Variants in DTD1 observed in about 807,000 individuals in gnomAD.
DTD1 encodes D-tyrosyl-tRNA deacylase 1 homolog.
Under a neutral mutation model 25.6 loss-of-function variants are expected in DTD1, and 13 were observed. That is an observed-to-expected ratio of 0.51 (90% CI 0.33 to 0.81). The LOEUF is 0.81. Among genes scored for constraint, DTD1 ranks in the 30% least tolerant of loss-of-function variants. The probability of loss-of-function intolerance (pLI) is 0.02; values close to 1 mark genes in which losing one functional copy is unlikely to be tolerated. For missense variants in DTD1, 193 were observed against 266.4 expected (o/e 0.72, Z 1.92); for synonymous variants, 110 against 103.6 (o/e 1.06, Z -0.37).
At chr20:18,626,434 C>T (rs1019114487) in intron 3 of DTD1, among the ~76,000 whole-genome samples, 1 of 152,170 alleles carries the variant, frequency 6.6e-6, no homozygotes, top group Non-Finnish European at 1.5e-5. Context: ...TGAGAGCTTT[C>T]CTGCTTTAAA....
At chr20:18,743,686 A>AG (rs2061287759) in intron 4 of DTD1, among the ~76,000 whole-genome samples, 7 of 148,544 alleles carry the variant, frequency 4.7e-5, no homozygotes, top group African/African-American at 1.7e-4. Flanking sequence ...AAAAAAAAAA[A>AG]AAAAAAAGAA....
At chr20:18,640,396 A>G (rs2060823878) in intron 4 of DTD1, among the ~76,000 whole-genome samples, 2 of 152,222 alleles carry the variant, frequency 1.3e-5, no homozygotes, top group South Asian at 4.2e-4. Flanking sequence ...TTTTGACAAT[A>G]ACTCTCATTC....
At chr20:18,745,474 C>T (rs572460233) in intron 5 of DTD1, among the ~76,000 whole-genome samples, 2 of 152,208 alleles carry the variant, frequency 1.3e-5, no homozygotes, top group South Asian at 4.1e-4. Flanking sequence ...CAGCACGGTG[C>T]GTGTGGCAGG....
chr20:18,598,083 G>A (rs1041521524), intron 3 of DTD1, among the ~76,000 whole-genome samples: 6 of 152,118 alleles, frequency 3.9e-5, no homozygotes, highest in African/African-American at 1.4e-4. Context: ...GTGCCATAGT[G>A]GTTTGCTGCA....
At chr20:18,754,689 G>A (rs1368088832) in intron 5 of DTD1, among the ~76,000 whole-genome samples, 2 of 152,196 alleles carry the variant, frequency 1.3e-5, no homozygotes, top group East Asian at 1.9e-4. Flanking sequence ...TGTGAGCTGC[G>A]TGGTCTCCAG....
chr20:18,616,682 C>T (rs2060710177), intron 3 of DTD1, among the ~76,000 whole-genome samples: 1 of 152,144 alleles, frequency 6.6e-6, no homozygotes, highest in Non-Finnish European at 1.5e-5. Context: ...TGGTGCACGC[C>T]TATAGTCCCA....
At chr20:18,629,896 C>G (rs577344327) in intron 4 of DTD1, among the ~76,000 whole-genome samples, 1 of 151,992 alleles carries the variant, frequency 6.6e-6, no homozygotes, top group Non-Finnish European at 1.5e-5. Flanking sequence ...CTCATGAGAA[C>G]TCACTGTCAC....
At chr20:18,654,672 T>A (rs2060885604) in intron 4 of DTD1, among the ~76,000 whole-genome samples, 2 of 152,208 alleles carry the variant, frequency 1.3e-5, no homozygotes, top group Admixed American at 1.3e-4. Flanking sequence ...TCTGCTGTGT[T>A]TCTCCAGGCC....
At chr20:18,748,477 A>G (rs975132221) in intron 5 of DTD1, among the ~76,000 whole-genome samples, 13 of 152,190 alleles carry the variant, frequency 8.5e-5, no homozygotes, top group African/African-American at 3.1e-4. Context: ...TAATTCCTGT[A>G]GAGAATACAC....
chr20:18,636,709 T>C (rs2060808941), intron 4 of DTD1, among the ~76,000 whole-genome samples: 1 of 152,228 alleles, frequency 6.6e-6, no homozygotes, highest in Non-Finnish European at 1.5e-5. Flanking sequence ...TGTGTGGATG[T>C]GTGCAAGTGC....
intron 5 of DTD1, among the ~76,000 whole-genome samples, chr20:18,757,544 C>T (rs1034482855): frequency 2.6e-5 from 4 of 152,144 alleles, no homozygotes; most frequent in African/African-American, 9.7e-5. Context: ...TGGTTTTTGT[C>T]GTTGGTTCTG....
intron 4 of DTD1, among the ~76,000 whole-genome samples, chr20:18,692,797 A>C (rs1452309890): frequency 6.6e-6 from 1 of 152,210 alleles, no homozygotes; most frequent in East Asian, 1.9e-4. Context: ...CATGTGAATT[A>C]ATCAGCACTC....
At chr20:18,625,426 T>C (rs1269827268) in intron 3 of DTD1, among the ~76,000 whole-genome samples, 2 of 152,226 alleles carry the variant, frequency 1.3e-5, no homozygotes, top group Non-Finnish European at 2.9e-5. Flanking sequence ...GAGCCAGGCG[T>C]CTGCTGCTGT....
chr20:18,684,432 G>C (rs766194307), intron 4 of DTD1, among the ~76,000 whole-genome samples: 2 of 152,028 alleles, frequency 1.3e-5, no homozygotes, highest in Admixed American at 1.3e-4. Context: ...GATTATAGGT[G>C]TATGCCATCA....
Position 18,765,510 on chromosome 20 carries a change from A to G in DTD1, c.*2170A>G, listed in dbSNP as rs963298374. The stretch of plus-strand genomic sequence containing the variant: ...AAGAGAACTTTTCCATCATCCTGAA[A>G]ATCACTTTCAACTCCTGGGATCAGA... On this transcript the variant is annotated 3_prime_UTR_variant, in exon 6 of 6. Coordinates refer to ENST00000377452, the MANE Select transcript of DTD1 (RefSeq NM_080820.6). 6.6e-6 allele frequency: 1 copy of G among 152,202 alleles called. No individual in the cohort carries two copies. Among genetic ancestry groups the G allele is most frequent in the African/African-American group, 2.4e-5 (1 of 41,438 alleles). 9.4% of individuals were successfully genotyped at this position (152,202 alleles called of 1,614,324 possible).
chr20:18,591,517 A>G (rs890531233), intron 1 of DTD1, among the ~76,000 whole-genome samples: 1 of 152,194 alleles, frequency 6.6e-6, no homozygotes, highest in Non-Finnish European at 1.5e-5. Flanking sequence ...ATAAAAATTT[A>G]TATGCAATGT....
At chr20:18,590,218 C>T (rs1323685818) in intron 1 of DTD1, among the ~76,000 whole-genome samples, 1 of 152,194 alleles carries the variant, frequency 6.6e-6, no homozygotes, top group African/African-American at 2.4e-5. Flanking sequence ...TGCTCTGTCA[C>T]CCAGGCTGGA....
intron 1 of DTD1, among the ~76,000 whole-genome samples, chr20:18,590,687 G>T (rs1237442127): frequency 6.6e-6 from 1 of 152,114 alleles, no homozygotes; most frequent in African/African-American, 2.4e-5. Flanking sequence ...TGACTAGGCT[G>T]GTCTCAAATT....
At chr20:18,717,668 C>G (rs1309406995) in intron 4 of DTD1, among the ~76,000 whole-genome samples, 1 of 152,116 alleles carries the variant, frequency 6.6e-6, no homozygotes. Context: ...CTGTGTTATT[C>G]AAAGGTCAAC....
Sources: allele counts gnomAD v4.1 joint callset (sites outside exome capture counted in the v4.1 genomes callset), GRCh38; gene constraint gnomAD v4.1.1; transcripts MANE v1.5; gene names NCBI Gene and HGNC (gene_info 2026-07-23, HGNC 2026-07-21).